The following PCDH15 variants were observed in gnomAD, a reference collection of about 807,000 sequenced individuals.
PCDH15 encodes protocadherin related 15, also known as protocadherin-15.
PCDH15 carries 129 observed loss-of-function variants against 178.5 expected under a neutral mutation model. That is an observed-to-expected ratio of 0.72 (90% CI 0.63 to 0.84). The LOEUF (loss-of-function observed/expected upper bound fraction) is 0.84. Among genes scored for constraint, PCDH15 ranks in the 40% least tolerant of loss-of-function variants. The pLI is 0.00. For synonymous variants in PCDH15, 800 were observed against 732.0 expected, an observed-to-expected ratio of 1.09 and a Z score of -1.50; for missense variants, 2,230 against 2,099.9, an observed-to-expected ratio of 1.06 and a Z score of -1.21.
At chr10:53,953,708 G>A (rs2087321038) in intron 23 of PCDH15, among the ~76,000 whole-genome samples, 1 of 152,228 alleles carries the variant, frequency 6.6e-6, no homozygotes, top group African/African-American at 2.4e-5. Flanking sequence ...GGTTGTCTTT[G>A]TAAAATTCTT....
intron 2 of PCDH15, among the ~76,000 whole-genome samples, chr10:54,985,478 C>T (rs1044181263): frequency 6.6e-6 from 1 of 152,116 alleles, no homozygotes; most frequent in African/African-American, 2.4e-5. Context: ...TTATTTATTA[C>T]ACCTAAGAGA....
intron 3 of PCDH15, among the ~76,000 whole-genome samples, chr10:54,856,373 T>C (rs1051861776): frequency 6.6e-6 from 1 of 152,172 alleles, no homozygotes; most frequent in African/African-American, 2.4e-5. Flanking sequence ...GAAGCAGTAC[T>C]GGACAGCCAT....
intron 2 of PCDH15, among the ~76,000 whole-genome samples, chr10:55,432,474 C>G (rs994520891): frequency 1.3e-5 from 2 of 152,006 alleles, no homozygotes; most frequent in African/African-American, 4.8e-5. Context: ...TATTGGAAGG[C>G]AAGGATGAAA....
chr10:54,799,999 T>C (rs914109725), intron 1 of PCDH15, among the ~76,000 whole-genome samples: 4 of 152,152 alleles, frequency 2.6e-5, no homozygotes, highest in African/African-American at 9.7e-5. Context: ...ATAACTTAAG[T>C]ATTTGGTTAC....
rs1841040697 is a variant in PCDH15, at chr10:53,804,556, A to ATAAG, written c.*2019_*2022dup. On this transcript the variant is annotated 3_prime_UTR_variant, in exon 38 of 38. Coordinates refer to ENST00000644397, the MANE Select transcript of PCDH15 (RefSeq NM_001384140.1). ...AATGTGAGAAAGGCACAACAACAGA[A>ATAAG]TAAGTTAAATGTCACAGCCAGAAAT... 1.3e-5 allele frequency: 2 copies of ATAAG among 152,066 alleles called. No homozygotes were observed. Among genetic ancestry groups the ATAAG allele is most frequent in the South Asian group, 4.1e-4 (2 of 4,828 alleles). The allele number at this position is 152,066 out of a possible 1,614,324, so 9.4% of individuals were successfully genotyped here.
Position 55,292,601 on chromosome 10 carries a change from C to T in PCDH15, c.-156+26998G>A, listed in dbSNP as rs185048656. Among the ~76,000 whole-genome samples the T allele has an allele frequency of 7.2e-5, 11 of 152,142 alleles. No individual in the cohort carries two copies. The East Asian group carries it at 1.2e-3, about 16-fold the overall frequency. ...TTCACCATGTTGGCCAGGCTGGTCTCGAAATTCTAACCTCAGGTGATCTAC... is the reference window on the plus strand; with the variant it reads ...TTCACCATGTTGGCCAGGCTGGTCTTGAAATTCTAACCTCAGGTGATCTAC... On this transcript the variant is annotated intron_variant, in intron 1 of 5. Transcript: ENST00000458638.
chr10:55,274,700 T>C (rs867848234), intron 1 of PCDH15, among the ~76,000 whole-genome samples: 2 of 152,134 alleles, frequency 1.3e-5, no homozygotes, highest in South Asian at 4.1e-4. Flanking sequence ...ACCTGTTTCA[T>C]GGAAGACAAA....
chr10:54,608,388 C>T (rs1565731650), intron 2 of PCDH15, among the ~76,000 whole-genome samples: 1 of 151,904 alleles, frequency 6.6e-6, no homozygotes, highest in East Asian at 1.9e-4. Context: ...GGGAGAAACG[C>T]TTCAACTCGG....
intron 33 of PCDH15, chr10:53,818,236 G>GT (rs1430394444): frequency 2.8e-6 from 1 of 355,556 alleles, no homozygotes; most frequent in Admixed American, 4.7e-5. Context: ...CCAGAGCCTC[G>GT]TTCCATATGA....
At chr10:54,926,151 C>T (rs1228968086) in intron 2 of PCDH15, among the ~76,000 whole-genome samples, 1 of 151,858 alleles carries the variant, frequency 6.6e-6, no homozygotes, top group Non-Finnish European at 1.5e-5. Flanking sequence ...AGAGTTTTAA[C>T]CTGAAGGAAT....
At chr10:54,410,698 G>A (rs781414197) in intron 3 of PCDH15, among the ~76,000 whole-genome samples, 12 of 152,094 alleles carry the variant, frequency 7.9e-5, no homozygotes, top group Non-Finnish European at 1.3e-4. Flanking sequence ...ATGGAAACAG[G>A]AGGCCTCCTG....
At chr10:53,878,970 A>T (rs1455453738) in intron 26 of PCDH15, among the ~76,000 whole-genome samples, 1 of 152,120 alleles carries the variant, frequency 6.6e-6, no homozygotes, top group South Asian at 2.1e-4. Context: ...GTGAATATTC[A>T]CTCGGGTGTA....
At chr10:54,649,467 A>G (rs1437132841) in intron 2 of PCDH15, among the ~76,000 whole-genome samples, 1 of 152,178 alleles carries the variant, frequency 6.6e-6, no homozygotes, top group Admixed American at 6.5e-5. Context: ...ACAACCACAT[A>G]AAATATTGAT....
intron 3 of PCDH15, among the ~76,000 whole-genome samples, chr10:54,514,155 G>C (rs1461059597): frequency 6.6e-6 from 1 of 152,136 alleles, no homozygotes. Flanking sequence ...TAAAATGTTA[G>C]TGCTATCTCT....
intron 2 of PCDH15, chr10:55,596,965 T>C (rs1033369611): frequency 1.3e-5 from 2 of 151,956 alleles, no homozygotes; most frequent in African/African-American, 4.8e-5. Flanking sequence ...AACAGGAGGG[T>C]GGAGGGTGGA....
intron 2 of PCDH15, among the ~76,000 whole-genome samples, chr10:54,998,870 A>G (rs971806935): frequency 1.2e-4 from 18 of 152,208 alleles, no homozygotes; most frequent in African/African-American, 4.1e-4. Flanking sequence ...TCAGTTGTAT[A>G]TCAGGAACAA....
intron 2 of PCDH15, among the ~76,000 whole-genome samples, chr10:55,016,300 T>A (rs1466687013): frequency 6.6e-6 from 1 of 152,086 alleles, no homozygotes; most frequent in Non-Finnish European, 1.5e-5. Context: ...GTACAATAAA[T>A]TGCTGTTAAC....
At chr10:54,983,747 T>G (rs1839297996) in intron 2 of PCDH15, among the ~76,000 whole-genome samples, 1 of 152,180 alleles carries the variant, frequency 6.6e-6, no homozygotes, top group Non-Finnish European at 1.5e-5. Context: ...TGATCCCAGA[T>G]AGAAAGAAGC....
chr10:53,842,101 C>G (rs2077690374), intron 28 of PCDH15, among the ~76,000 whole-genome samples: 2 of 152,108 alleles, frequency 1.3e-5, no homozygotes. Flanking sequence ...GCCTCGGAGT[C>G]AAACCATATT....
Sources: allele counts gnomAD v4.1 joint callset (sites outside exome capture counted in the v4.1 genomes callset), GRCh38; gene constraint gnomAD v4.1.1; transcripts MANE v1.5; gene names NCBI Gene and HGNC (gene_info 2026-07-23, HGNC 2026-07-21).